HERC1: variants seen among roughly 807,000 people sequenced by gnomAD.
The protein encoded by HERC1 is HECT and RLD domain containing E3 ubiquitin protein ligase family member 1, also known as probable E3 ubiquitin-protein ligase HERC1.
HERC1 carries 160 observed loss-of-function variants against 554.3 expected under a neutral mutation model. The ratio of observed to expected loss-of-function variants is 0.29; its 90% CI spans 0.25 to 0.33. HERC1 has a LOEUF of 0.33. HERC1 is among the 10% of genes least tolerant of loss of function. The pLI, the probability that HERC1 is intolerant of heterozygous loss-of-function variation, is 1.00. For synonymous variants in HERC1, 2,175 were observed against 2,131.7 expected, an observed-to-expected ratio of 1.02 and a Z score of -0.56; for missense variants, 4,919 against 5,918.5, an observed-to-expected ratio of 0.83 and a Z score of 5.54.
chr15:63,789,908 C>T (rs1596262145), intron 1 of HERC1, among the ~76,000 whole-genome samples: 3 of 151,338 alleles, frequency 2.0e-5, no homozygotes, highest in Non-Finnish European at 2.9e-5. Flanking sequence ...CAGAAGAATC[C>T]AGCTAAATAC....
chr15:63,759,026 T>C (rs2075521963), intron 3 of HERC1, among the ~76,000 whole-genome samples: 1 of 152,164 alleles, frequency 6.6e-6, no homozygotes, highest in Admixed American at 6.6e-5. Flanking sequence ...TAATCATACC[T>C]GGCTCCACTT....
intron 13 of HERC1, among the ~76,000 whole-genome samples, chr15:63,733,867 A>T (rs925491851): frequency 2.0e-5 from 3 of 152,014 alleles, no homozygotes; most frequent in African/African-American, 7.3e-5. Context: ...GAAAAATAAA[A>T]AAATCACCTA....
In HERC1 at chr15:63,727,725, G is replaced by A; in HGVS notation, c.3268C>T (p.Pro1090Ser). The A allele has an allele frequency of 6.2e-7, 1 of 1,613,866 alleles. No homozygotes were observed. The highest frequency in any genetic ancestry group is 8.5e-7 in the Non-Finnish European group (1 of 1,179,848). Reference sequence around the variant, plus strand: ...AGTCTATTAAGGCAATCAAGAGGTGGCAACAAGTCGAGGAGGTAACTCAAT... The same window carrying A: ...AGTCTATTAAGGCAATCAAGAGGTGACAACAAGTCGAGGAGGTAACTCAAT... ...PLLSYLLDLL[P>S]PLDCLNRLLP... Residue 1090 changes from proline (P) to serine (S), a missense_variant, in exon 17 of 78, where the codon CCA becomes TCA. By Grantham distance (74) the Pro-to-Ser change is moderately conservative (BLOSUM62 -1). This residue lies in a region of HERC1 where 1,121 missense variants were observed against 1,244.0 expected (regional missense o/e 0.90). Transcript: ENST00000443617. This position sits in a 1 kb window ranked among gnomAD's most constrained non-coding sequence, Gnocchi z 4.3.
In HERC1 at chr15:63,748,409, TCACCTGAAAG is replaced by T. The variant is rs1342299775; in HGVS notation, c.2220-561_2220-552del. Among the ~76,000 whole-genome samples, 17 of 152,088 alleles carry T rather than the reference TCACCTGAAAG, an allele frequency of 1.1e-4. 1 individual carries two copies. Among genetic ancestry groups the T allele is most frequent in the Admixed American group, 1.0e-3 (16 of 15,254 alleles). Reference sequence around the variant, plus strand: ...TGTTTTGGAAGGTTTGGATGTCCACTCACCTGAAAGCAGAGGGCTGAGTCACATGATCTAC... The same window carrying T: ...TGTTTTGGAAGGTTTGGATGTCCACTCAGAGGGCTGAGTCACATGATCTAC... On this transcript the variant is annotated intron_variant, in intron 10 of 77. Coordinates refer to ENST00000443617, the MANE Select transcript of HERC1 (RefSeq NM_003922.4).
chr15:63,642,504 A>G (rs2069119293), intron 59 of HERC1, among the ~76,000 whole-genome samples: 1 of 151,988 alleles, frequency 6.6e-6, no homozygotes, highest in African/African-American at 2.4e-5. Flanking sequence ...CGCCTGGCTA[A>G]TTTTTGTATT....
rs756008269 is a variant in HERC1, at chr15:63,747,782, C to G, written c.2296G>C (p.Glu766Gln). ...STFSHLRSFL[E>Q]RYCDKINSEI... The stretch of plus-strand genomic sequence containing the variant: ...CTGTTTATTTTATCACAGTATCTCT[C>G]AAGAAAAGAACGCAGGTGTGAGAAG... Residue 766 changes from glutamate (E) to glutamine (Q), a missense_variant, in exon 11 of 78, where the codon GAG (glutamate) becomes CAG (glutamine). Physicochemically the swap from Glu to Gln is conservative, Grantham distance 29. Transcript: ENST00000443617. 1.1e-5 allele frequency: 17 copies of G among 1,550,918 alleles called. No homozygotes were observed. In the South Asian group the frequency reaches 1.8e-4, roughly 16 times the overall value.
chr15:63,770,552 T>G (rs576502525), intron 2 of HERC1, among the ~76,000 whole-genome samples: 20 of 152,330 alleles, frequency 1.3e-4, no homozygotes, highest in African/African-American at 4.3e-4. Context: ...TTTTTATAAT[T>G]TGAAGATGTA....
At chr15:63,611,035 GA>G (rs2067565032) in intron 77 of HERC1, among the ~76,000 whole-genome samples, 1 of 152,210 alleles carries the variant, frequency 6.6e-6, no homozygotes, top group Non-Finnish European at 1.5e-5. Flanking sequence ...TCTTGGAGGA[GA>G]TGACTGGCAT....
intron 34 of HERC1, among the ~76,000 whole-genome samples, chr15:63,685,096 T>C (rs1006598830): frequency 3.9e-5 from 6 of 152,364 alleles, no homozygotes; most frequent in Middle Eastern, 6.8e-3. Flanking sequence ...GAGCTTCTCA[T>C]CAAACTTGTC....
At chr15:63,671,428 T>G (rs1332170194) in intron 39 of HERC1, among the ~76,000 whole-genome samples, 2 of 152,142 alleles carry the variant, frequency 1.3e-5, no homozygotes, top group East Asian at 3.9e-4. Context: ...TCCTCTATCT[T>G]CCTTATTCTT....
rs1049625934 is a variant in HERC1, at chr15:63,648,227, GA to G, written c.10748-29del. ...AACATGATCAAAACAAAAGAGTAAG[GA>G]AAAGATAATTATTTGTCATTGTCTG... On this transcript the variant is annotated intron_variant, in intron 54 of 77. Coordinates refer to ENST00000443617, the MANE Select transcript of HERC1 (RefSeq NM_003922.4). The G allele has an allele frequency of 5.1e-6, 8 of 1,575,468 alleles. No individual in the cohort carries two copies. The Admixed American group carries it at 5.4e-5, about 11-fold the overall frequency.
intron 34 of HERC1, among the ~76,000 whole-genome samples, chr15:63,683,811 G>A (rs939837053): frequency 5.3e-5 from 8 of 152,098 alleles, no homozygotes; most frequent in Non-Finnish European, 8.8e-5. Flanking sequence ...CCCCATAACT[G>A]GCCCCATCTA....
intron 7 of HERC1, 125 bp from the exon 8 acceptor site, chr15:63,753,210 G>GAAACATAGCT: frequency 8.6e-6 from 5 of 583,978 alleles, no homozygotes; most frequent in South Asian, 5.7e-5. Context: ...GAAAAGCTAT[G>GAAACATAGCT]TTTCTGATAG....
chr15:63,808,321 T>C (rs1053578350), intron 1 of HERC1, among the ~76,000 whole-genome samples: 2 of 152,216 alleles, frequency 1.3e-5, no homozygotes, highest in South Asian at 4.1e-4. Context: ...AGGGTCTTGC[T>C]CTGTTGCCTA....
chr15:63,739,442 C>CCTCCT (rs565507349), intron 12 of HERC1, among the ~76,000 whole-genome samples: 359 of 151,878 alleles, frequency 2.4e-3, no homozygotes, highest in South Asian at 0.01. Context: ...AGTGATCTAC[C>CCTCCT]CTCCTCGGCA....
Position 63,648,044 on chromosome 15 carries a change from T to G in HERC1, c.10878+25A>C, listed in dbSNP as rs1369049618. Reference sequence around the variant, plus strand: ...AAAATTATATTTGTATCCCATAAAATTACGTTTTTTAAAGATGCATTTACC... The same window carrying G: ...AAAATTATATTTGTATCCCATAAAAGTACGTTTTTTAAAGATGCATTTACC... On this transcript the variant is annotated intron_variant, in intron 55 of 77. Coordinates refer to ENST00000443617, the MANE Select transcript of HERC1 (RefSeq NM_003922.4). 2.6e-6 allele frequency: 4 copies of G among 1,538,642 alleles called. No individual in the cohort carries two copies. The Middle Eastern group carries it at 5.0e-4, about 194-fold the overall frequency.
In HERC1 at chr15:63,664,529, G is replaced by A; in HGVS notation, c.8621C>T (p.Ser2874Leu). ...AAACTTGTGTCTTCTTGTTACCGCT[G>A]AGCGACCTCTAGCTGATGGTCCACT... The part of the protein sequence containing the change: ...SGSGPSARGR[S>L]AVTRRHKFDL... Residue 2874 changes from serine to leucine, a missense_variant, in exon 43 of 78, where the codon TCA becomes TTA. Physicochemically the swap from Ser to Leu is moderately radical, Grantham distance 145 (BLOSUM62 -2). Around this residue, in one of 11 missense-constraint regions of HERC1, gnomAD observed 1,963 missense variants for 2,228.6 expected, o/e 0.88. Coordinates refer to ENST00000443617, the MANE Select transcript of HERC1 (RefSeq NM_003922.4). 2 of 1,613,680 alleles carry A rather than the reference G, an allele frequency of 1.2e-6. No homozygotes were observed. Among genetic ancestry groups the A allele is most frequent in the South Asian group, 1.1e-5 (1 of 91,046 alleles).
chr15:63,619,124 C>T (rs1464238864), intron 74 of HERC1, among the ~76,000 whole-genome samples: 1 of 152,160 alleles, frequency 6.6e-6, no homozygotes, highest in Non-Finnish European at 1.5e-5. Context: ...ATGATATTGG[C>T]TGTGGGTTTA....
chr15:63,807,787 C>G (rs1015812023), intron 1 of HERC1, among the ~76,000 whole-genome samples: 2 of 152,148 alleles, frequency 1.3e-5, no homozygotes, highest in Non-Finnish European at 2.9e-5. Flanking sequence ...TTCAATCCTA[C>G]CTTTGTGCCC....
Sources: allele counts gnomAD v4.1 joint callset (sites outside exome capture counted in the v4.1 genomes callset), GRCh38; gene constraint gnomAD v4.1.1; regional missense constraint gnomAD v4.1.1; non-coding constraint Gnocchi (gnomAD v3.1); transcripts MANE v1.5; gene names NCBI Gene and HGNC (gene_info 2026-07-23, HGNC 2026-07-21).